KIFAP3: variants seen among roughly 807,000 people sequenced by gnomAD.
The protein encoded by KIFAP3 is kinesin-associated protein 3.
In KIFAP3, 68 loss-of-function variants were observed where a neutral mutation model predicts 106.5. The observed-to-expected ratio is 0.64, with a 90% CI of 0.53 to 0.78. The LOEUF is 0.78. KIFAP3 is among the 30% of genes least tolerant of loss of function. The pLI is 0.00. For synonymous variants in KIFAP3, 320 were observed against 311.5 expected, an observed-to-expected ratio of 1.03 and a Z score of -0.29; for missense variants, 780 against 941.8, an observed-to-expected ratio of 0.83 and a Z score of 2.25.
chr1:170,003,690 C>G (rs1031983970), intron 10 of KIFAP3, among the ~76,000 whole-genome samples: 3 of 152,126 alleles, frequency 2.0e-5, no homozygotes, highest in Non-Finnish European at 4.4e-5. Flanking sequence ...CCACCCAGTT[C>G]GAGCTTGATG....
chr1:170,011,399 G>A (rs1196938751), intron 10 of KIFAP3, among the ~76,000 whole-genome samples: 1 of 151,712 alleles, frequency 6.6e-6, no homozygotes, highest in Non-Finnish European at 1.5e-5. Context: ...AGGGAATACA[G>A]TAAAATACAA....
intron 16 of KIFAP3, among the ~76,000 whole-genome samples, chr1:169,975,771 T>C (rs1666194515): frequency 6.6e-6 from 1 of 152,100 alleles, no homozygotes; most frequent in African/African-American, 2.4e-5. Context: ...TGCACCAGAA[T>C]GCCTGGCTTA....
chr1:169,984,700 A>C lies in KIFAP3; in HGVS notation c.1285-10T>G. ...ACAGCATCTTCATTAACTAGCAAGAAGCACAGGGCACATTTTACTCAAGAA... is the reference window on the plus strand; with the variant it reads ...ACAGCATCTTCATTAACTAGCAAGACGCACAGGGCACATTTTACTCAAGAA... On this transcript the variant is annotated splice_polypyrimidine_tract_variant and intron_variant, in intron 11 of 19. Coordinates refer to ENST00000361580, the MANE Select transcript of KIFAP3 (RefSeq NM_014970.4). 6.9e-7 allele frequency: 1 copy of C among 1,450,816 alleles called. No homozygotes were observed. Among genetic ancestry groups the C allele is most frequent in the Non-Finnish European group, 9.6e-7 (1 of 1,039,164 alleles). 89.9% of individuals were successfully genotyped at this position (1,450,816 alleles called of 1,614,324 possible).
intron 1 of KIFAP3, among the ~76,000 whole-genome samples, chr1:170,063,222 T>A (rs1671274187): frequency 6.6e-6 from 1 of 152,194 alleles, no homozygotes; most frequent in Non-Finnish European, 1.5e-5. Context: ...GGTCACAAGA[T>A]TTGTATCTTC....
At chr1:170,031,764 T>C in intron 8 of KIFAP3, 122 bp downstream of exon 8, 3 of 617,038 alleles carry the variant, frequency 4.9e-6, no homozygotes, top group Non-Finnish European at 8.7e-6. Context: ...TGTAGCATAT[T>C]AACATTTATA....
chr1:170,074,825 T>C, upstream of KIFAP3: 1 of 1,081,622 alleles, frequency 9.2e-7, no homozygotes, highest in East Asian at 5.0e-5. Context: ...GTTTTGAGCG[T>C]CCGTGTATAA....
chr1:170,028,645 G>A (rs948029732), intron 8 of KIFAP3, among the ~76,000 whole-genome samples: 2 of 152,076 alleles, frequency 1.3e-5, no homozygotes, highest in Non-Finnish European at 2.9e-5. Context: ...CCTTATTATA[G>A]GGTTTATAAC....
chr1:170,074,303 T>G, intron 1 of KIFAP3, 133 bp downstream of exon 1: 2 of 1,066,962 alleles, frequency 1.9e-6, no homozygotes, highest in South Asian at 1.4e-5. Flanking sequence ...TCCCTCTCCT[T>G]TCGGTGACTT....
chr1:170,003,669 T>C (rs867923918), intron 10 of KIFAP3, among the ~76,000 whole-genome samples: 8 of 152,208 alleles, frequency 5.3e-5, no homozygotes, highest in African/African-American at 1.9e-4. Flanking sequence ...TTCCTTCAGC[T>C]GTGGTGGGCT....
chr1:170,061,794 A>C (rs1382176384), intron 1 of KIFAP3, among the ~76,000 whole-genome samples: 1 of 152,232 alleles, frequency 6.6e-6, no homozygotes, highest in African/African-American at 2.4e-5. Context: ...CTGGATTAAG[A>C]AAATGTGGCA....
At chr1:169,984,786 G>A (rs943867988) in intron 11 of KIFAP3, 96 bp from the exon 12 acceptor site, 9 of 621,396 alleles carry the variant, frequency 1.4e-5, no homozygotes, top group East Asian at 1.4e-4. Context: ...ATCTTAGATT[G>A]TACATTGGGC....
At chr1:169,966,786 G>A (rs575515668) in intron 17 of KIFAP3, among the ~76,000 whole-genome samples, 9 of 151,680 alleles carry the variant, frequency 5.9e-5, no homozygotes, top group Non-Finnish European at 1.0e-4. Context: ...TGAGATATTG[G>A]ACTTGTGCCA....
chr1:169,952,873 G>A (rs1380136702), intron 19 of KIFAP3, among the ~76,000 whole-genome samples: 4 of 151,974 alleles, frequency 2.6e-5, no homozygotes, highest in South Asian at 2.1e-4. Flanking sequence ...TTAAAATAAC[G>A]CTACAAGTGA....
chr1:169,965,014 G>A (rs1235123915), intron 17 of KIFAP3, among the ~76,000 whole-genome samples: 1 of 152,044 alleles, frequency 6.6e-6, no homozygotes, highest in Non-Finnish European at 1.5e-5. Context: ...ATCCATTAGG[G>A]TAAGACATTT....
At chr1:170,045,523 T>G (rs1670198406) in intron 3 of KIFAP3, among the ~76,000 whole-genome samples, 1 of 152,190 alleles carries the variant, frequency 6.6e-6, no homozygotes, top group Admixed American at 6.5e-5. Context: ...GTATAACACT[T>G]ATTTTGCAAA....
rs143904045 is a variant in KIFAP3, at chr1:169,980,678, G to A, written c.1798+1294C>T. Among the ~76,000 whole-genome samples, 376 of 152,172 alleles carry A rather than the reference G, an allele frequency of 2.5e-3. 2 individuals are homozygous for A. The highest frequency in any genetic ancestry group is 8.7e-3 in the African/African-American group (362 of 41,504). On this transcript the variant is annotated intron_variant, in intron 15 of 19. Transcript: ENST00000361580. ...AGAAATTTCAGAGGACAATAAATTCGGATCTAGAAGGGAATATGATGTTTA... is the reference window on the plus strand; with the variant it reads ...AGAAATTTCAGAGGACAATAAATTCAGATCTAGAAGGGAATATGATGTTTA...
At chr1:169,960,426 A>AACTT (rs1665263995) in intron 18 of KIFAP3, among the ~76,000 whole-genome samples, 2 of 152,128 alleles carry the variant, frequency 1.3e-5, no homozygotes, top group Non-Finnish European at 2.9e-5. Context: ...AATATGCAAA[A>AACTT]ACTTACCAAT....
At chr1:170,002,195 C>A (rs1252295899) in intron 10 of KIFAP3, among the ~76,000 whole-genome samples, 1 of 152,142 alleles carries the variant, frequency 6.6e-6, no homozygotes, top group Admixed American at 6.5e-5. Context: ...TCCTTACATG[C>A]TGATGAAACT....
At chr1:170,020,541 G>T (rs371749713) in intron 9 of KIFAP3, among the ~76,000 whole-genome samples, 1 of 152,090 alleles carries the variant, frequency 6.6e-6, no homozygotes, top group South Asian at 2.1e-4. Context: ...TCTGCCTCCA[G>T]GGTTCACGCC....
Sources: allele counts gnomAD v4.1 joint callset (sites outside exome capture counted in the v4.1 genomes callset), GRCh38; gene constraint gnomAD v4.1.1; transcripts MANE v1.5; gene names NCBI Gene and HGNC (gene_info 2026-07-23, HGNC 2026-07-21).